The following CMIP variants were observed in gnomAD, a reference collection of about 807,000 sequenced individuals.
CMIP encodes c-Maf inducing protein, also known as C-Maf-inducing protein.
CMIP carries 13 observed loss-of-function variants against 97.3 expected under a neutral mutation model. The observed-to-expected ratio is 0.13, with a 90% CI of 0.09 to 0.21. The LOEUF (loss-of-function observed/expected upper bound fraction) is 0.21, where lower values mean the gene tolerates loss of function less well. CMIP is among the 10% of genes least tolerant of loss of function. The pLI is 1.00. For synonymous variants in CMIP, 538 were observed against 436.3 expected (o/e 1.23, Z -2.91); for missense variants, 847 against 1,024.9 (o/e 0.83, Z 2.37).
At chr16:81,447,051 G>T (rs1905895819) in intron 1 of CMIP, among the ~76,000 whole-genome samples, 1 of 152,148 alleles carries the variant, frequency 6.6e-6, no homozygotes, top group Non-Finnish European at 1.5e-5. Context: ...AGCCCGTCCC[G>T]CGCCACAGGC....
At chr16:81,569,595 T>C (rs2091046577) in intron 1 of CMIP, among the ~76,000 whole-genome samples, 1 of 152,234 alleles carries the variant, frequency 6.6e-6, no homozygotes, top group African/African-American at 2.4e-5. Flanking sequence ...CGGCAGCAAC[T>C]TTCTGACAGG....
intron 1 of CMIP, among the ~76,000 whole-genome samples, chr16:81,448,568 CTT>C (rs1233892977): frequency 1.3e-5 from 2 of 152,216 alleles, no homozygotes; most frequent in Non-Finnish European, 2.9e-5. Flanking sequence ...TGCCTGTAAA[CTT>C]TGCCTCCTGT....
intron 2 of CMIP, among the ~76,000 whole-genome samples, chr16:81,618,007 C>T (rs926747748): frequency 6.6e-6 from 1 of 152,224 alleles, no homozygotes; most frequent in Non-Finnish European, 1.5e-5. Flanking sequence ...TGGCAGCTTA[C>T]AGGCACTGCC....
chr16:81,631,970 C>T (rs1166983513), intron 3 of CMIP: 6 of 152,118 alleles, frequency 3.9e-5, no homozygotes, highest in East Asian at 1.9e-4. Context: ...TTTAAAATAC[C>T]GAAAAGGACA....
intron 1 of CMIP, among the ~76,000 whole-genome samples, chr16:81,577,932 C>T (rs1335594710): frequency 6.6e-6 from 1 of 151,722 alleles, no homozygotes; most frequent in African/African-American, 2.4e-5. Context: ...TCATCACCAT[C>T]ACCTTCATCA....
intron 1 of CMIP, among the ~76,000 whole-genome samples, chr16:81,544,899 T>C (rs1217869943): frequency 6.6e-6 from 1 of 152,186 alleles, no homozygotes; most frequent in Non-Finnish European, 1.5e-5. Flanking sequence ...CTTAAAACCC[T>C]TCTGTTGTCC....
intron 1 of CMIP, among the ~76,000 whole-genome samples, chr16:81,516,112 T>C (rs2150798123): frequency 6.6e-6 from 1 of 152,270 alleles, no homozygotes; most frequent in Admixed American, 6.5e-5. Context: ...TCCTTCCTTG[T>C]GTACCCAGTG....
intron 1 of CMIP, among the ~76,000 whole-genome samples, chr16:81,551,999 C>T (rs1289373347): frequency 6.6e-6 from 1 of 152,192 alleles, no homozygotes; most frequent in Non-Finnish European, 1.5e-5. Flanking sequence ...TGGGGTCCTT[C>T]CACCTGGTGA....
chr16:81,547,192 T>A (rs1235703005), intron 1 of CMIP, among the ~76,000 whole-genome samples: 1 of 151,906 alleles, frequency 6.6e-6, no homozygotes, highest in East Asian at 1.9e-4. Flanking sequence ...GCATATCTGG[T>A]AGAGGGAAGC....
At position 81,621,840 on chromosome 16, in the gene CMIP, C is replaced by T. The variant is rs1432960089; in HGVS notation, c.477+914C>T. Reference sequence around the variant, plus strand: ...GCTCCAGAGGGGCTCCCCCAACGGCCAGGGTTGGGGGCAGAAAGGCAACCC... The same window carrying T: ...GCTCCAGAGGGGCTCCCCCAACGGCTAGGGTTGGGGGCAGAAAGGCAACCC... On this transcript the variant is annotated intron_variant, in intron 3 of 20. Transcript: ENST00000537098. This position sits in a 1 kb window ranked among gnomAD's most constrained non-coding sequence, Gnocchi z 4.1. The T allele has an allele frequency of 6.6e-6, 1 of 152,326 alleles. No homozygotes were observed. Among genetic ancestry groups the T allele is most frequent in the South Asian group, 2.1e-4 (1 of 4,830 alleles). 9.4% of individuals were successfully genotyped at this position (152,326 alleles called of 1,614,324 possible). A position where few individuals can be genotyped will look rare whatever the true frequency, so the allele number is the denominator to read the frequency against.
At chr16:81,495,396 A>G in intron 1 of CMIP, 5 of 1,556,252 alleles carry the variant, frequency 3.2e-6, no homozygotes, top group Non-Finnish European at 2.6e-6. Context: ...TTTGAGAACA[A>G]CAAACCAAGC....
At chr16:81,650,481 G>C (rs755940144) in intron 3 of CMIP, among the ~76,000 whole-genome samples, 13 of 152,150 alleles carry the variant, frequency 8.5e-5, no homozygotes, top group Non-Finnish European at 1.8e-4. Flanking sequence ...GACTTGGGGT[G>C]ATGGGCGGGG....
At chr16:81,649,952 G>C (rs1052241940) in intron 3 of CMIP, among the ~76,000 whole-genome samples, 1 of 152,250 alleles carries the variant, frequency 6.6e-6, no homozygotes, top group African/African-American at 2.4e-5. Flanking sequence ...GTTTTGCACA[G>C]ATATTTCATC....
chr16:81,681,523 C>T (rs555451453), intron 10 of CMIP, among the ~76,000 whole-genome samples: 4 of 152,336 alleles, frequency 2.6e-5, no homozygotes, highest in South Asian at 4.1e-4. Context: ...ATGGGAGGGG[C>T]CAGCCCTGAG....
chr16:81,560,503 C>T (rs1006717895), intron 1 of CMIP, among the ~76,000 whole-genome samples: 1 of 152,164 alleles, frequency 6.6e-6, no homozygotes, highest in Admixed American at 6.5e-5. Flanking sequence ...CAGGCGTGAG[C>T]CACTGCGCCC....
At chr16:81,679,889 C>G (rs575269152) in intron 10 of CMIP, among the ~76,000 whole-genome samples, 84 of 152,324 alleles carry the variant, frequency 5.5e-4, no homozygotes, top group Non-Finnish European at 1.0e-3. Context: ...TTCTGCCCCC[C>G]ACAGAGCCAT....
At chr16:81,605,610 C>T (rs1453333214) in intron 1 of CMIP, among the ~76,000 whole-genome samples, 2 of 152,210 alleles carry the variant, frequency 1.3e-5, no homozygotes, top group Admixed American at 6.5e-5. Context: ...GCCCTCCCTC[C>T]GTTTCACCTT....
At chr16:81,634,634 A>G (rs956057622) in intron 3 of CMIP, among the ~76,000 whole-genome samples, 21 of 152,196 alleles carry the variant, frequency 1.4e-4, no homozygotes, top group Non-Finnish European at 2.4e-4. Flanking sequence ...GGAGGGCAGG[A>G]GTGCGCCTTC....
At chr16:81,685,342 C>T (rs1175091010) in intron 10 of CMIP, among the ~76,000 whole-genome samples, 1 of 152,090 alleles carries the variant, frequency 6.6e-6, no homozygotes, top group East Asian at 1.9e-4. Context: ...CTGGACTGAG[C>T]ACCTGGGAGT....
Sources: allele counts gnomAD v4.1 joint callset (sites outside exome capture counted in the v4.1 genomes callset), GRCh38; gene constraint gnomAD v4.1.1; non-coding constraint Gnocchi (gnomAD v3.1); transcripts MANE v1.5; gene names NCBI Gene and HGNC (gene_info 2026-07-23, HGNC 2026-07-21).